The following RBFOX1 variants were observed in gnomAD, a reference collection of about 807,000 sequenced individuals.
RBFOX1 encodes the protein RNA binding protein fox-1 homolog 1.
Under a neutral mutation model 57.7 loss-of-function variants are expected in RBFOX1, and 8 were observed. The observed-to-expected ratio is 0.14, with a 90% CI of 0.08 to 0.25. RBFOX1 has a LOEUF of 0.25. RBFOX1 is among the 10% of genes least tolerant of loss of function. The probability of loss-of-function intolerance (pLI) is 1.00; values close to 1 mark genes in which losing one functional copy is unlikely to be tolerated. For missense variants in RBFOX1, 611 were observed against 548.5 expected, an observed-to-expected ratio of 1.11 and a Z score of -1.14; for synonymous variants, 326 against 222.4, an observed-to-expected ratio of 1.47 and a Z score of -4.15.
At chr16:6,839,991 A>G (rs971232954) in intron 3 of RBFOX1, among the ~76,000 whole-genome samples, 1 of 152,210 alleles carries the variant, frequency 6.6e-6, no homozygotes, top group Middle Eastern at 3.2e-3. Context: ...AATATTTGGT[A>G]TAAACAAAAT....
intron 2 of RBFOX1, among the ~76,000 whole-genome samples, chr16:6,529,309 T>G (rs536049741): frequency 6.6e-6 from 1 of 152,242 alleles, no homozygotes; most frequent in South Asian, 2.1e-4. Context: ...ATGCCTGTAA[T>G]CCCAGCAGTT....
At chr16:6,531,320 G>A (rs1476969) in intron 2 of RBFOX1, among the ~76,000 whole-genome samples, 139,527 of 152,198 alleles carry the variant, frequency 0.92, 64,960 homozygotes, top group Non-Finnish European at 1. Flanking sequence ...GGTATTTGCA[G>A]GTACTTCACT....
intron 3 of RBFOX1, among the ~76,000 whole-genome samples, chr16:7,046,567 G>A (rs570486108): frequency 3.4e-5 from 5 of 147,606 alleles, no homozygotes; most frequent in African/African-American, 7.5e-5. Flanking sequence ...TTATCACCAC[G>A]TATGCCTCTT....
At chr16:6,020,098 C>G in intron 1 of RBFOX1, 106 bp downstream of exon 1, 1 of 1,252,852 alleles carries the variant, frequency 8.0e-7, no homozygotes, top group Non-Finnish European at 1.0e-6. Context: ...CTGGCCTCCT[C>G]CTAGCGCCAG....
At chr16:5,888,867 A>G (rs1007118269) in intron 4 of RBFOX1, among the ~76,000 whole-genome samples, 1 of 151,852 alleles carries the variant, frequency 6.6e-6, no homozygotes, top group Admixed American at 6.6e-5. Context: ...AAACAATAGC[A>G]TGTACACAGC....
intron 13 of RBFOX1, among the ~76,000 whole-genome samples, chr16:7,675,175 G>A (rs1357478493): frequency 6.6e-6 from 1 of 152,144 alleles, no homozygotes; most frequent in Non-Finnish European, 1.5e-5. Flanking sequence ...AAGCCAAGAA[G>A]ATGAACAAGC....
chr16:5,819,447 T>G (rs1332911764), intron 3 of RBFOX1, among the ~76,000 whole-genome samples: 1 of 152,242 alleles, frequency 6.6e-6, no homozygotes, highest in Non-Finnish European at 1.5e-5. Flanking sequence ...GCTCTGCTTC[T>G]GCTCTAGAGT....
At chr16:6,981,265 C>T (rs1431569370) in intron 3 of RBFOX1, among the ~76,000 whole-genome samples, 1 of 151,928 alleles carries the variant, frequency 6.6e-6, no homozygotes, top group Non-Finnish European at 1.5e-5. Flanking sequence ...TTCTCCCCTC[C>T]TCCCACCATT....
At chr16:6,209,047 G>A (rs1406484476) in intron 1 of RBFOX1, among the ~76,000 whole-genome samples, 2 of 151,968 alleles carry the variant, frequency 1.3e-5, no homozygotes, top group African/African-American at 4.8e-5. Context: ...GAAAATGTTT[G>A]TGTTATAAAA....
intron 3 of RBFOX1, among the ~76,000 whole-genome samples, chr16:6,744,126 A>ACAT (rs1256310813): frequency 6.6e-6 from 1 of 152,182 alleles, no homozygotes; most frequent in Non-Finnish European, 1.5e-5. Context: ...AGAGAAAAAT[A>ACAT]CATCAGGGAT....
intron 10 of RBFOX1, among the ~76,000 whole-genome samples, chr16:7,615,881 C>T (rs796796144): frequency 1.3e-5 from 2 of 152,290 alleles, no homozygotes; most frequent in South Asian, 2.1e-4. Flanking sequence ...ATTCTGTCCT[C>T]ATTGACGCTA....
intron 11 of RBFOX1, among the ~76,000 whole-genome samples, chr16:7,648,209 A>G (rs1168386471): frequency 6.6e-6 from 1 of 152,094 alleles, no homozygotes; most frequent in African/African-American, 2.4e-5. Flanking sequence ...ACAATTGAGG[A>G]AAAAATTATT....
chr16:7,417,166 T>C (rs2098486128), intron 4 of RBFOX1, among the ~76,000 whole-genome samples: 2 of 151,928 alleles, frequency 1.3e-5, no homozygotes. Context: ...GGTCAGGAGT[T>C]TGAGACCATC....
intron 4 of RBFOX1, among the ~76,000 whole-genome samples, chr16:5,978,561 T>C (rs549172098): frequency 5.3e-5 from 8 of 152,314 alleles, no homozygotes; most frequent in South Asian, 4.1e-4. Context: ...ATCACCTGTT[T>C]CTATTCCAAA....
chr16:6,236,120 A>G (rs186828252), intron 1 of RBFOX1, among the ~76,000 whole-genome samples: 2 of 152,244 alleles, frequency 1.3e-5, no homozygotes, highest in East Asian at 3.8e-4. Context: ...TCCATTGCTT[A>G]AAAGCAAAAC....
At chr16:7,298,302 T>C (rs1168774414) in intron 4 of RBFOX1, among the ~76,000 whole-genome samples, 1 of 149,180 alleles carries the variant, frequency 6.7e-6, no homozygotes, top group Non-Finnish European at 1.5e-5. Flanking sequence ...TTTTTTTTTT[T>C]TTTTGAGATA....
At chr16:7,256,243 C>T (rs1217748573) in intron 4 of RBFOX1, among the ~76,000 whole-genome samples, 1 of 152,156 alleles carries the variant, frequency 6.6e-6, no homozygotes, top group African/African-American at 2.4e-5. Context: ...AGCTCTGTAA[C>T]CCCTGCTCCC....
chr16:6,637,358 A>ATAATATACAAATATATATTATATATT (rs1567986548), intron 2 of RBFOX1, among the ~76,000 whole-genome samples: 9 of 29,302 alleles, frequency 3.1e-4, no homozygotes, highest in African/African-American at 4.3e-4. Context: ...TTATATATTA[A>ATAATATACAAATATATATTATATATT]ATATATATAA....
intron 3 of RBFOX1, among the ~76,000 whole-genome samples, chr16:6,941,964 C>T (rs1252782069): frequency 1.3e-5 from 2 of 152,156 alleles, no homozygotes; most frequent in African/African-American, 2.4e-5. Context: ...CACAATGGCT[C>T]ACACCTGTAA....
Sources: gnomAD v4.1 joint callset for allele counts (sites outside exome capture counted in the v4.1 genomes callset) on GRCh38, gnomAD v4.1.1 for gene constraint, MANE v1.5 for transcripts, NCBI Gene and HGNC (gene_info 2026-07-23, HGNC 2026-07-21) for gene names.